The following GRIP1 variants were observed in gnomAD, a reference collection of about 807,000 sequenced individuals.
The protein encoded by GRIP1 is glutamate receptor-interacting protein 1.
Under a neutral mutation model 129.9 loss-of-function variants are expected in GRIP1, and 45 were observed. That is an observed-to-expected ratio of 0.35 (90% CI 0.27 to 0.44). GRIP1 has a LOEUF of 0.44. GRIP1 is among the 20% of genes least tolerant of loss of function. GRIP1 has a pLI of 1.00. For missense variants in GRIP1, 1,196 were observed against 1,396.8 expected (o/e 0.86, Z 2.29); for synonymous variants, 530 against 520.8 (o/e 1.02, Z -0.24).
At chr12:67,045,021 C>T (rs1045123838) in intron 1 of GRIP1, among the ~76,000 whole-genome samples, 1 of 152,184 alleles carries the variant, frequency 6.6e-6, no homozygotes, top group Admixed American at 6.5e-5. Context: ...GTTCACATAG[C>T]TAATAAATGG....
intron 1 of GRIP1, among the ~76,000 whole-genome samples, chr12:66,761,551 T>C (rs1413586552): frequency 6.6e-6 from 1 of 152,136 alleles, no homozygotes; most frequent in East Asian, 1.9e-4. Flanking sequence ...TTGTTCCCCG[T>C]CACATTGGAA....
intron 13 of GRIP1, among the ~76,000 whole-genome samples, chr12:66,441,357 G>A (rs2058467574): frequency 6.6e-6 from 1 of 151,416 alleles, no homozygotes; most frequent in South Asian, 2.1e-4. Flanking sequence ...TATTCCTCAG[G>A]CAGAGTCCCC....
At chr12:66,823,984 G>C (rs1298597668) in intron 1 of GRIP1, among the ~76,000 whole-genome samples, 1 of 152,154 alleles carries the variant, frequency 6.6e-6, no homozygotes, top group Admixed American at 6.6e-5. Context: ...TCTATTAATA[G>C]CTCTATCCTT....
At chr12:66,417,552 C>T (rs12229273) in intron 15 of GRIP1, among the ~76,000 whole-genome samples, 2 of 152,124 alleles carry the variant, frequency 1.3e-5, no homozygotes, top group East Asian at 3.9e-4. Context: ...CTGAAGACTC[C>T]ACAAAAAACA....
chr12:66,855,317 G>C (rs2039985343), intron 1 of GRIP1, among the ~76,000 whole-genome samples: 1 of 151,996 alleles, frequency 6.6e-6, no homozygotes, highest in African/African-American at 2.4e-5. Context: ...GTTATAGCTG[G>C]AACTATGTAG....
chr12:67,050,414 AAGGGC>A (rs2043324573), intron 1 of GRIP1, among the ~76,000 whole-genome samples: 1 of 152,232 alleles, frequency 6.6e-6, no homozygotes, highest in South Asian at 2.1e-4. Flanking sequence ...TTCATTGTTT[AAGGGC>A]AGGCCTACCA....
At chr12:66,852,562 G>A (rs1312318016) in intron 1 of GRIP1, among the ~76,000 whole-genome samples, 1 of 150,772 alleles carries the variant, frequency 6.6e-6, no homozygotes, top group Non-Finnish European at 1.5e-5. Context: ...ATGTATATAT[G>A]TATATGCATA....
At chr12:66,801,656 GA>G (rs577508833) in intron 1 of GRIP1, among the ~76,000 whole-genome samples, 2 of 152,158 alleles carry the variant, frequency 1.3e-5, no homozygotes, top group African/African-American at 4.8e-5. Context: ...AATTTTCTGG[GA>G]GGTTCTTTTT....
chr12:66,792,160 T>A (rs1460303009), intron 1 of GRIP1, among the ~76,000 whole-genome samples: 3 of 152,228 alleles, frequency 2.0e-5, no homozygotes, highest in Non-Finnish European at 4.4e-5. Flanking sequence ...TTTGGAGCTT[T>A]TAGAAATGAT....
chr12:66,639,670 C>T (rs1333122693), intron 1 of GRIP1, among the ~76,000 whole-genome samples: 1 of 152,130 alleles, frequency 6.6e-6, no homozygotes, highest in Non-Finnish European at 1.5e-5. Flanking sequence ...ACTATCATTG[C>T]ATTCTTAGTT....
chr12:66,630,566 C>G (rs1037591483), intron 1 of GRIP1, among the ~76,000 whole-genome samples: 8 of 152,086 alleles, frequency 5.3e-5, no homozygotes, highest in Non-Finnish European at 1.2e-4. Context: ...TAGTTGAAAA[C>G]AGTTTAAAAT....
chr12:66,844,313 T>C (rs866678793), intron 1 of GRIP1, among the ~76,000 whole-genome samples: 1 of 152,164 alleles, frequency 6.6e-6, no homozygotes, highest in Non-Finnish European at 1.5e-5. Context: ...TCCAAGGATA[T>C]ACAAATAGCC....
chr12:67,031,124 T>C (rs994129979), intron 1 of GRIP1, among the ~76,000 whole-genome samples: 1 of 152,212 alleles, frequency 6.6e-6, no homozygotes, highest in Non-Finnish European at 1.5e-5. Flanking sequence ...CAGAGGCTTC[T>C]GAGACAGTCT....
intron 15 of GRIP1, among the ~76,000 whole-genome samples, chr12:66,407,099 C>G (rs937510004): frequency 1.3e-5 from 2 of 152,158 alleles, no homozygotes; most frequent in Non-Finnish European, 2.9e-5. Flanking sequence ...TATATATACA[C>G]AGATTTGTAA....
intron 2 of GRIP1, among the ~76,000 whole-genome samples, chr12:66,557,190 C>CA (rs72522402): frequency 0.12 from 17,974 of 151,910 alleles, 1,160 homozygotes; most frequent in East Asian, 0.19. Flanking sequence ...TTCTATCAGA[C>CA]AAAATAGATT....
intron 23 of GRIP1, among the ~76,000 whole-genome samples, chr12:66,354,722 G>A (rs2054396592): frequency 6.6e-6 from 1 of 152,030 alleles, no homozygotes; most frequent in Admixed American, 6.5e-5. Flanking sequence ...AGCTATGCAG[G>A]GCAAAATGTG....
intron 16 of GRIP1, among the ~76,000 whole-genome samples, chr12:66,403,239 G>T (rs2057071665): frequency 6.6e-6 from 1 of 152,144 alleles, no homozygotes; most frequent in South Asian, 2.1e-4. Context: ...CACCCAAGTG[G>T]TGTACACGGT....
At chr12:66,913,744 T>C (rs984717177) in intron 1 of GRIP1, among the ~76,000 whole-genome samples, 1 of 152,196 alleles carries the variant, frequency 6.6e-6, no homozygotes, top group Non-Finnish European at 1.5e-5. Flanking sequence ...TGTTTTTCTA[T>C]TCAATTATAT....
chr12:66,720,095 C>T (rs982544855), intron 1 of GRIP1, among the ~76,000 whole-genome samples: 13 of 152,262 alleles, frequency 8.5e-5, no homozygotes, highest in African/African-American at 2.9e-4. Context: ...TAGGTAGATA[C>T]AGGCATACCT....
Sources: gnomAD v4.1 joint callset for allele counts (sites outside exome capture counted in the v4.1 genomes callset) on GRCh38, gnomAD v4.1.1 for gene constraint, MANE v1.5 for transcripts, NCBI Gene and HGNC (gene_info 2026-07-23, HGNC 2026-07-21) for gene names.